Variants in ARL15 observed in about 807,000 individuals in gnomAD.
ARL15 encodes the protein ADP-ribosylation factor-like protein 15.
In ARL15, 19 loss-of-function variants were observed where a neutral mutation model predicts 25.2. The ratio of observed to expected loss-of-function variants is 0.75; its 90% CI spans 0.53 to 1.10. The LOEUF (loss-of-function observed/expected upper bound fraction) is 1.10, where lower values mean the gene tolerates loss of function less well. ARL15 is among the 50% of genes least tolerant of loss of function. The pLI, the probability that ARL15 is intolerant of heterozygous loss-of-function variation, is 0.00. For missense variants in ARL15, 220 were observed against 246.0 expected (o/e 0.89, Z 0.71); for synonymous variants, 94 against 86.8 (o/e 1.08, Z -0.46).
chr5:54,221,218 G>A (rs1756365809), intron 1 of ARL15, among the ~76,000 whole-genome samples: 1 of 152,044 alleles, frequency 6.6e-6, no homozygotes, highest in South Asian at 2.1e-4. Flanking sequence ...CAAGAGTTGT[G>A]GTACATTTCA....
chr5:53,953,044 A>AT (rs1747029032), intron 4 of ARL15, among the ~76,000 whole-genome samples: 2 of 152,248 alleles, frequency 1.3e-5, no homozygotes, highest in South Asian at 4.1e-4. Context: ...CTCCACTGTC[A>AT]TAAAACAGTC....
At chr5:53,895,690 A>G (rs1417166426) in intron 4 of ARL15, among the ~76,000 whole-genome samples, 3 of 152,196 alleles carry the variant, frequency 2.0e-5, no homozygotes, top group African/African-American at 7.2e-5. Flanking sequence ...TATTCTATCT[A>G]CATATCTTTT....
At chr5:53,919,997 T>C (rs532411352) in intron 4 of ARL15, among the ~76,000 whole-genome samples, 36 of 152,274 alleles carry the variant, frequency 2.4e-4, no homozygotes, top group African/African-American at 7.9e-4. Flanking sequence ...TGGGCACAAA[T>C]ATAGGTAAAG....
chr5:54,125,075 G>GTTTTTTTTTTTTTTTTTT (rs774608441), intron 3 of ARL15, among the ~76,000 whole-genome samples: 1 of 134,968 alleles, frequency 7.4e-6, no homozygotes, highest in South Asian at 2.3e-4. Flanking sequence ...TTTTTGTTTT[G>GTTTTTTTTTTTTTTTTTT]TTTTGTTTTG....
At chr5:54,253,670 C>A (rs1475645001) in intron 1 of ARL15, among the ~76,000 whole-genome samples, 3 of 152,032 alleles carry the variant, frequency 2.0e-5, no homozygotes, top group Admixed American at 6.5e-5. Context: ...CAGATCCCTG[C>A]AGCATCGACC....
intron 1 of ARL15, among the ~76,000 whole-genome samples, chr5:54,208,654 C>T (rs1338634812): frequency 6.6e-6 from 1 of 152,018 alleles, no homozygotes; most frequent in African/African-American, 2.4e-5. Context: ...AGTTCTATAC[C>T]AACTAAACCA....
chr5:53,968,133 T>C (rs76026733), intron 4 of ARL15, among the ~76,000 whole-genome samples: 5,703 of 152,258 alleles, frequency 0.037, 115 homozygotes, highest in Non-Finnish European at 0.048. Flanking sequence ...TGGTTTCGTC[T>C]CTTTAATATA....
At chr5:54,168,223 C>T (rs1214967733) in intron 2 of ARL15, among the ~76,000 whole-genome samples, 1 of 152,028 alleles carries the variant, frequency 6.6e-6, no homozygotes, top group Non-Finnish European at 1.5e-5. Flanking sequence ...CGCTTTCTAC[C>T]CATTACCCCT....
At chr5:53,973,447 G>A (rs1055667307) in intron 4 of ARL15, among the ~76,000 whole-genome samples, 6 of 151,844 alleles carry the variant, frequency 4.0e-5, no homozygotes, top group Admixed American at 2.0e-4. Context: ...GGTGGCGGGC[G>A]CCTGTAATTC....
chr5:54,273,164 T>TA (rs1757836291), intron 1 of ARL15, among the ~76,000 whole-genome samples: 1 of 152,006 alleles, frequency 6.6e-6, no homozygotes, highest in African/African-American at 2.4e-5. Flanking sequence ...AAAGATACAA[T>TA]AAAAAATAGA....
chr5:54,246,427 C>A (rs937661577), intron 1 of ARL15, among the ~76,000 whole-genome samples: 7 of 152,116 alleles, frequency 4.6e-5, no homozygotes, highest in Admixed American at 3.9e-4. Flanking sequence ...ATGTGTTGTA[C>A]AAAGCCACAT....
intron 4 of ARL15, among the ~76,000 whole-genome samples, chr5:53,923,743 T>C (rs909766610): frequency 6.6e-6 from 1 of 152,102 alleles, no homozygotes; most frequent in Non-Finnish European, 1.5e-5. Flanking sequence ...CGGGCGCCCG[T>C]AGTCCCAGCT....
intron 4 of ARL15, among the ~76,000 whole-genome samples, chr5:54,004,358 T>C (rs527299429): frequency 6.6e-6 from 1 of 152,138 alleles, no homozygotes; most frequent in Non-Finnish European, 1.5e-5. Flanking sequence ...CTGGGCATGG[T>C]GGCGCGTGCC....
intron 4 of ARL15, chr5:54,075,720 C>T (rs1249031815): frequency 1.3e-5 from 2 of 152,208 alleles, no homozygotes; most frequent in Non-Finnish European, 2.9e-5. Flanking sequence ...CTCCTGGCCT[C>T]AGGTAATCTG....
At chr5:54,019,112 T>A (rs770207636) in intron 4 of ARL15, among the ~76,000 whole-genome samples, 1 of 152,072 alleles carries the variant, frequency 6.6e-6, no homozygotes, top group Non-Finnish European at 1.5e-5. Flanking sequence ...ATTGATGAAT[T>A]TATTATCATA....
chr5:54,147,200 G>T (rs568579488), intron 3 of ARL15, among the ~76,000 whole-genome samples: 2 of 152,150 alleles, frequency 1.3e-5, no homozygotes, highest in African/African-American at 4.8e-5. Context: ...ATTCCAAAAA[G>T]GCCTGGTTCT....
intron 4 of ARL15, among the ~76,000 whole-genome samples, chr5:53,955,104 G>A (rs543932929): frequency 6.7e-6 from 1 of 149,830 alleles, no homozygotes; most frequent in African/African-American, 2.5e-5. Context: ...TGCCATACTA[G>A]ATGGAGACCT....
chr5:54,255,773 A>G (rs1198865876), intron 1 of ARL15, among the ~76,000 whole-genome samples: 3 of 152,234 alleles, frequency 2.0e-5, no homozygotes, highest in Non-Finnish European at 4.4e-5. Context: ...CAAACGCTCA[A>G]AACTACACAA....
chr5:54,026,241 C>G (rs1749783225), intron 4 of ARL15, among the ~76,000 whole-genome samples: 1 of 152,168 alleles, frequency 6.6e-6, no homozygotes, highest in African/African-American at 2.4e-5. Flanking sequence ...TAATCTGTCA[C>G]ATACCAAAAT....
Sources: gnomAD v4.1 joint callset for allele counts (sites outside exome capture counted in the v4.1 genomes callset) on GRCh38, gnomAD v4.1.1 for gene constraint, MANE v1.5 for transcripts, NCBI Gene and HGNC (gene_info 2026-07-23, HGNC 2026-07-21) for gene names.